EYA1: variants seen among roughly 807,000 people sequenced by gnomAD.
EYA1 encodes the protein EYA transcriptional coactivator and phosphatase 1, also known as protein phosphatase EYA1.
A neutral mutation model predicts 82.0 loss-of-function variants in EYA1; 16 were observed. The observed-to-expected ratio is 0.20, with a 90% CI of 0.13 to 0.30. EYA1 has a LOEUF of 0.30. Among genes scored for constraint, EYA1 ranks in the 10% least tolerant of loss-of-function variants. EYA1 has a pLI of 1.00. For missense variants in EYA1, 633 were observed against 730.7 expected (o/e 0.87, Z 1.54); for synonymous variants, 261 against 264.4 (o/e 0.99, Z 0.12).
intron 1 of EYA1, among the ~76,000 whole-genome samples, chr8:71,538,670 G>A (rs1254520067): frequency 6.6e-6 from 1 of 152,166 alleles, no homozygotes; most frequent in East Asian, 1.9e-4. Context: ...GAACTTAGAG[G>A]TGAACTTCTT....
intron 17 of EYA1, among the ~76,000 whole-genome samples, chr8:71,201,615 C>A (rs887595333): frequency 6.6e-6 from 1 of 152,162 alleles, no homozygotes; most frequent in East Asian, 1.9e-4. Flanking sequence ...ACACAAAGGT[C>A]ACCACTATAA....
intron 3 of EYA1, 66 bp from the exon 4 acceptor site, chr8:71,334,240 G>C: frequency 8.6e-7 from 1 of 1,168,066 alleles, no homozygotes; most frequent in Non-Finnish European, 1.3e-6. Flanking sequence ...TGGAAGAGAA[G>C]ATATAACATT....
At chr8:71,449,823 T>A (rs1807208266) in intron 2 of EYA1, among the ~76,000 whole-genome samples, 1 of 152,222 alleles carries the variant, frequency 6.6e-6, no homozygotes, top group Non-Finnish European at 1.5e-5. Context: ...AGTGTAGGCA[T>A]CTTCATCAAT....
At chr8:71,517,149 C>CACCA (rs1813031645) in intron 2 of EYA1, among the ~76,000 whole-genome samples, 4 of 151,850 alleles carry the variant, frequency 2.6e-5, no homozygotes, top group Admixed American at 2.0e-4. Flanking sequence ...CTTCTTAAGT[C>CACCA]ACCTCACATA....
intron 2 of EYA1, among the ~76,000 whole-genome samples, chr8:71,449,552 C>T (rs1807186810): frequency 6.6e-6 from 1 of 152,204 alleles, no homozygotes; most frequent in African/African-American, 2.4e-5. Flanking sequence ...GATGTTTTAT[C>T]ATCTAGGCTT....
intron 7 of EYA1, among the ~76,000 whole-genome samples, chr8:71,312,901 A>G (rs917417871): frequency 6.6e-6 from 1 of 152,258 alleles, no homozygotes; most frequent in African/African-American, 2.4e-5. Flanking sequence ...AGCACAGCTT[A>G]TCACATTCCC....
At chr8:71,297,507 C>T (rs55664002) in intron 9 of EYA1, among the ~76,000 whole-genome samples, 318 of 152,236 alleles carry the variant, frequency 2.1e-3, no homozygotes, top group Non-Finnish European at 3.8e-3. Flanking sequence ...CTATGACTCT[C>T]TAGATCCTAA....
chr8:71,333,971 A>G (rs1279542437), intron 4 of EYA1, 126 bp downstream of exon 4: 8 of 712,714 alleles, frequency 1.1e-5, no homozygotes, highest in Non-Finnish European at 1.8e-5. Flanking sequence ...GTATATATAC[A>G]TAAGTACGTA....
At chr8:71,428,923 A>C (rs1245930730) in intron 2 of EYA1, among the ~76,000 whole-genome samples, 1 of 152,172 alleles carries the variant, frequency 6.6e-6, no homozygotes, top group Admixed American at 6.5e-5. Flanking sequence ...TTTATTTTCA[A>C]CAATTATTCA....
intron 9 of EYA1, among the ~76,000 whole-genome samples, chr8:71,295,776 A>G (rs1819529900): frequency 6.6e-6 from 1 of 152,218 alleles, no homozygotes; most frequent in African/African-American, 2.4e-5. Context: ...AAATGTTTAT[A>G]GAAACTTCAT....
At chr8:71,485,888 A>AT (rs1451053063) in intron 2 of EYA1, among the ~76,000 whole-genome samples, 3 of 152,196 alleles carry the variant, frequency 2.0e-5, no homozygotes, top group Non-Finnish European at 4.4e-5. Flanking sequence ...TCTTGAAACA[A>AT]TAAAAAAAAG....
In EYA1 at chr8:71,215,466, G is replaced by A. The variant is rs1490734472; in HGVS notation, c.1518C>T (p.Ile506=). 1 of 1,613,152 alleles carries A rather than the reference G, an allele frequency of 6.2e-7. No individual in the cohort carries two copies. The highest frequency in any genetic ancestry group is 2.2e-5 in the East Asian group (1 of 44,882). Residue 506 remains isoleucine, a synonymous_variant, in exon 16 of 18, where the codon ATC becomes ATT. Transcript: ENST00000340726. ...VNILVTTTQL[I]PALAKVLLYG... is the part of the protein sequence containing the mutation. ...ACAGCAGGACTTTCGCCAATGCTGG[G>A]ATGAGCTGAGTAGTTGTTACTAAAA...
rs570015818 is a variant in EYA1 at position 71,488,981 on chromosome 8, T to C, written c.33+46763A>G. Among the ~76,000 whole-genome samples, 31 of 152,342 alleles carry C rather than the reference T, an allele frequency of 2.0e-4. No homozygotes were observed. In the South Asian group the frequency reaches 4.6e-3, roughly 22 times the overall value. ...CTAAGAAACAAGATGAAATCTGATG[T>C]CATTTTACTCTATGGATGTTATTTG... On this transcript the variant is annotated intron_variant, in intron 2 of 18. Transcript: ENST00000643681.
intron 2 of EYA1, among the ~76,000 whole-genome samples, chr8:71,516,041 C>A (rs1563693800): frequency 6.6e-6 from 1 of 152,070 alleles, no homozygotes; most frequent in Non-Finnish European, 1.5e-5. Flanking sequence ...ATAATAATTA[C>A]CCTCTCTATA....
intron 14 of EYA1, 39 bp from the exon 15 acceptor site, chr8:71,215,767 C>T (rs2128851324): frequency 7.4e-7 from 1 of 1,357,512 alleles, no homozygotes. Flanking sequence ...ACTTCCTGAC[C>T]AACATATTTC....
intron 4 of EYA1, chr8:71,322,476 G>C (rs954873587): frequency 1.7e-6 from 1 of 572,792 alleles, no homozygotes; most frequent in Non-Finnish European, 3.1e-6. Context: ...ACTGATTAAG[G>C]GCTCTAGTTT....
chr8:71,424,570 A>G (rs1327635501), intron 2 of EYA1, among the ~76,000 whole-genome samples: 1 of 152,230 alleles, frequency 6.6e-6, no homozygotes, highest in Admixed American at 6.5e-5. Context: ...TGCATTAGAG[A>G]CAGAACTCTT....
intron 2 of EYA1, among the ~76,000 whole-genome samples, chr8:71,497,312 C>G (rs1214609045): frequency 6.6e-6 from 1 of 152,268 alleles, no homozygotes; most frequent in Admixed American, 6.5e-5. Flanking sequence ...ATGCAGCCCA[C>G]GGGCCATGGG....
chr8:71,312,937 A>G (rs1001073690), intron 7 of EYA1, among the ~76,000 whole-genome samples: 1 of 152,184 alleles, frequency 6.6e-6, no homozygotes, highest in Non-Finnish European at 1.5e-5. Context: ...TTTCTGAACT[A>G]AACAATTTGA....
Sources: allele counts gnomAD v4.1 joint callset (sites outside exome capture counted in the v4.1 genomes callset), GRCh38; gene constraint gnomAD v4.1.1; transcripts MANE v1.5; gene names NCBI Gene and HGNC (gene_info 2026-07-23, HGNC 2026-07-21).